The following MSRA variants were observed in gnomAD, a reference collection of about 807,000 sequenced individuals.
MSRA encodes the protein mitochondrial peptide methionine sulfoxide reductase.
Under a neutral mutation model 31.3 loss-of-function variants are expected in MSRA, and 54 were observed. The observed-to-expected ratio is 1.73, with a 90% CI of 1.39 to 2.17. MSRA has a LOEUF of 2.17. MSRA is among the 30% of genes most tolerant of loss of function. MSRA has a pLI of 0.00. For missense variants in MSRA, 507 were observed against 300.9 expected (o/e 1.69, Z -5.07); for synonymous variants, 169 against 116.5 (o/e 1.45, Z -2.90).
At chr8:10,418,860 A>G (rs1343623365) in intron 5 of MSRA, among the ~76,000 whole-genome samples, 1 of 149,932 alleles carries the variant, frequency 6.7e-6, no homozygotes, top group Admixed American at 6.7e-5. Flanking sequence ...AAAAAACACC[A>G]ACAGGGAGAA....
At chr8:10,230,942 G>A (rs34728177) in intron 2 of MSRA, among the ~76,000 whole-genome samples, 34 of 152,206 alleles carry the variant, frequency 2.2e-4, no homozygotes, top group Admixed American at 4.6e-4. Flanking sequence ...GTGCCACCAC[G>A]CCTGGCTAAT....
chr8:10,179,992 T>G (rs1806395292), intron 1 of MSRA, among the ~76,000 whole-genome samples: 1 of 152,206 alleles, frequency 6.6e-6, no homozygotes, highest in South Asian at 2.1e-4. Context: ...TCCAGTTCTC[T>G]GCAGACACCA....
At chr8:10,114,627 A>G (rs1333004328) in intron 1 of MSRA, among the ~76,000 whole-genome samples, 1 of 152,220 alleles carries the variant, frequency 6.6e-6, no homozygotes, top group African/African-American at 2.4e-5. Flanking sequence ...AGAAGGCTCT[A>G]TGGAAAAAGA....
Position 10,273,800 on chromosome 8 carries a change from TC to T in MSRA, c.332-27732del, listed in dbSNP as rs139134594. Reference sequence around the variant, plus strand: ...CTACTTTTCAGGCAACACAAACTATTCCAATTACTTCAAGCAGAACCTGAGA... The same window carrying T: ...CTACTTTTCAGGCAACACAAACTATTCAATTACTTCAAGCAGAACCTGAGA... On this transcript the variant is annotated intron_variant, in intron 3 of 5. Transcript: ENST00000317173. 6.3e-3 allele frequency among the ~76,000 whole-genome samples: 961 copies of T among 152,270 alleles called. 72 individuals are homozygous for T. The East Asian group carries it at 0.16, about 26-fold the overall frequency.
At chr8:10,412,595 A>G (rs1170056530) in intron 5 of MSRA, among the ~76,000 whole-genome samples, 1 of 152,244 alleles carries the variant, frequency 6.6e-6, no homozygotes, top group Non-Finnish European at 1.5e-5. Flanking sequence ...TCAAAATTCA[A>G]CAATACAAGC....
intron 1 of MSRA, among the ~76,000 whole-genome samples, chr8:10,138,671 T>A (rs189306920): frequency 6.6e-6 from 1 of 152,332 alleles, no homozygotes; most frequent in Admixed American, 6.5e-5. Context: ...CTAAACACAT[T>A]TATTTTTTTC....
chr8:10,246,115 T>G (rs1001185929), intron 3 of MSRA, among the ~76,000 whole-genome samples: 4 of 152,264 alleles, frequency 2.6e-5, no homozygotes, highest in Admixed American at 2.0e-4. Context: ...AGTAAATTTT[T>G]GTTGAAGCAC....
At chr8:10,263,225 C>G (rs574143123) in intron 3 of MSRA, among the ~76,000 whole-genome samples, 14 of 152,336 alleles carry the variant, frequency 9.2e-5, no homozygotes, top group African/African-American at 3.1e-4. Context: ...AACGAAGTTG[C>G]CTTGCTGACT....
chr8:10,198,398 C>G (rs1171662737), intron 1 of MSRA, among the ~76,000 whole-genome samples: 3 of 151,992 alleles, frequency 2.0e-5, no homozygotes, highest in Non-Finnish European at 4.4e-5. Flanking sequence ...AAAAAGTACT[C>G]ATGGTCATAC....
At chr8:10,214,056 C>G (rs1016314682) in intron 2 of MSRA, among the ~76,000 whole-genome samples, 1 of 152,190 alleles carries the variant, frequency 6.6e-6, no homozygotes, top group African/African-American at 2.4e-5. Flanking sequence ...TCTCTGACCT[C>G]AAACCACTGG....
At chr8:10,398,928 C>T (rs912075406) in intron 5 of MSRA, among the ~76,000 whole-genome samples, 2 of 152,202 alleles carry the variant, frequency 1.3e-5, no homozygotes, top group Non-Finnish European at 2.9e-5. Context: ...CTGGCAGAAG[C>T]CCCTATCGAG....
chr8:10,094,880 A>G (rs1799044480), intron 1 of MSRA, among the ~76,000 whole-genome samples: 1 of 152,236 alleles, frequency 6.6e-6, no homozygotes, highest in Non-Finnish European at 1.5e-5. Flanking sequence ...TGCTGTTATT[A>G]AATTGACCTT....
intron 3 of MSRA, among the ~76,000 whole-genome samples, chr8:10,264,221 A>G (rs1471375464): frequency 6.6e-6 from 1 of 152,210 alleles, no homozygotes; most frequent in Middle Eastern, 3.2e-3. Context: ...TGTGTGTCAT[A>G]AAGTCACTGC....
intron 3 of MSRA, among the ~76,000 whole-genome samples, chr8:10,257,553 C>T (rs1432864708): frequency 3.9e-5 from 6 of 152,088 alleles, no homozygotes; most frequent in African/African-American, 1.2e-4. Flanking sequence ...ATTATAGGCA[C>T]GCACCACCGC....
intron 5 of MSRA, among the ~76,000 whole-genome samples, chr8:10,409,737 T>C (rs1808042947): frequency 6.6e-6 from 1 of 152,210 alleles, no homozygotes; most frequent in Non-Finnish European, 1.5e-5. Flanking sequence ...GGACTTTCAC[T>C]TGGGTTGATT....
At position 10,209,535 on chromosome 8, in the gene MSRA, T is replaced by TTTTTA. The variant is rs562711631; in HGVS notation, c.211+1654_211+1658dup. 7.5e-3 allele frequency among the ~76,000 whole-genome samples: 1,139 copies of TTTTTA among 152,240 alleles called. 13 individuals are homozygous for TTTTTA. The highest frequency in any genetic ancestry group is 0.023 in the African/African-American group (953 of 41,526). Reference sequence around the variant, plus strand: ...AGTCTTTCTTTTCTTTTCTTTCTATTTTTTATTTTATTTTATTTTATTTTG... The same window carrying TTTTTA: ...AGTCTTTCTTTTCTTTTCTTTCTATTTTTTATTTTATTTTATTTTATTTTATTTTG... On this transcript the variant is annotated intron_variant, in intron 2 of 5. Coordinates refer to ENST00000317173, the MANE Select transcript of MSRA (RefSeq NM_012331.5).
At chr8:10,319,849 A>C (rs1333358855) in intron 4 of MSRA, 34 bp from the exon 5 acceptor site, 1 of 1,361,574 alleles carries the variant, frequency 7.3e-7, no homozygotes. Context: ...TCGCCTAGTG[A>C]CCGGGTAACC....
intron 1 of MSRA, among the ~76,000 whole-genome samples, chr8:10,175,234 C>T (rs182401082): frequency 7.2e-5 from 11 of 152,300 alleles, no homozygotes; most frequent in African/African-American, 2.2e-4. Flanking sequence ...CAGCCTGTCT[C>T]GGTCATTCCA....
chr8:10,199,567 C>T (rs1483462855), intron 1 of MSRA, among the ~76,000 whole-genome samples: 3 of 151,938 alleles, frequency 2.0e-5, no homozygotes, highest in Non-Finnish European at 4.4e-5. Context: ...ATCTGCCCGC[C>T]AGTTTTTTTT....
Sources: allele counts gnomAD v4.1 joint callset (sites outside exome capture counted in the v4.1 genomes callset), GRCh38; gene constraint gnomAD v4.1.1; transcripts MANE v1.5; gene names NCBI Gene and HGNC (gene_info 2026-07-23, HGNC 2026-07-21).